KHDC1: variants seen among roughly 807,000 people sequenced by gnomAD.
KHDC1 encodes the protein KH domain containing 1, also known as KH homology domain-containing protein 1.
In KHDC1, 21 loss-of-function variants were observed where a neutral mutation model predicts 24.7. The ratio of observed to expected loss-of-function variants is 0.85; its 90% CI spans 0.60 to 1.23. The LOEUF (loss-of-function observed/expected upper bound fraction) is 1.23. Ranked by LOEUF, KHDC1 falls within the 50% of genes most tolerant of loss-of-function variation. KHDC1 has a pLI of 0.00. For missense variants in KHDC1, 274 were observed against 298.5 expected, an observed-to-expected ratio of 0.92 and a Z score of 0.61; for synonymous variants, 98 against 111.7, an observed-to-expected ratio of 0.88 and a Z score of 0.77.
chr6:73,285,649 C>CTTTTTTTTT (rs539979246), intron 2 of KHDC1, among the ~76,000 whole-genome samples: 49 of 129,982 alleles, frequency 3.8e-4, no homozygotes, highest in East Asian at 1.0e-3. Flanking sequence ...TCTTTTTTTT[C>CTTTTTTTTT]TTTTTTTTTT....
In KHDC1 at chr6:73,252,068, G is replaced by A. The variant is rs533009697; in HGVS notation, c.207-9538C>T. On this transcript the variant is annotated intron_variant, in intron 2 of 4. Coordinates refer to ENST00000370384, the Ensembl canonical transcript of KHDC1. ...TTTTTTTTTTTTTTTTCTGAAACAC[G>A]GTCTCACCCTGTCACCCAAGCTGGA... Among the ~76,000 whole-genome samples the A allele has an allele frequency of 3.5e-5, 5 of 143,710 alleles. No individual in the cohort carries two copies. In the South Asian group the frequency reaches 6.6e-4, roughly 19 times the overall value. The allele number at this position is 143,710 out of a possible 152,430, so 94.3% of individuals were successfully genotyped here.
chr6:73,276,830 C>G (rs1413426299), intron 2 of KHDC1, among the ~76,000 whole-genome samples: 1 of 152,154 alleles, frequency 6.6e-6, no homozygotes, highest in African/African-American at 2.4e-5. Context: ...AGACAAGTCA[C>G]TTTTAGAGAC....
chr6:73,293,786 C>A (rs544740056), intron 1 of KHDC1, among the ~76,000 whole-genome samples: 1 of 152,126 alleles, frequency 6.6e-6, no homozygotes, highest in African/African-American at 2.4e-5. Flanking sequence ...ACGGGTGGAT[C>A]ACCTGAGGTC....
chr6:73,264,595 A>C (rs1767049128), intron 2 of KHDC1, among the ~76,000 whole-genome samples: 1 of 152,196 alleles, frequency 6.6e-6, no homozygotes, highest in Non-Finnish European at 1.5e-5. Context: ...GCAACCAGCA[A>C]CTGATGGACA....
At chr6:73,285,985 C>T (rs1257849610) in intron 2 of KHDC1, among the ~76,000 whole-genome samples, 1 of 152,098 alleles carries the variant, frequency 6.6e-6, no homozygotes, top group Admixed American at 6.6e-5. Flanking sequence ...AAGCACATTT[C>T]CTATAAATAA....
At chr6:73,271,674 A>G (rs775860900) in intron 2 of KHDC1, among the ~76,000 whole-genome samples, 10 of 149,056 alleles carry the variant, frequency 6.7e-5, no homozygotes, top group Non-Finnish European at 1.3e-4. Flanking sequence ...TGGGTGGATC[A>G]CCTGAGGTCA....
At chr6:73,286,067 G>A (rs1251932576) in intron 2 of KHDC1, among the ~76,000 whole-genome samples, 1 of 152,174 alleles carries the variant, frequency 6.6e-6, no homozygotes, top group Non-Finnish European at 1.5e-5. Flanking sequence ...CAGCAAAACT[G>A]TCAACTCCGC....
chr6:73,242,024 C>A, intron 4 of KHDC1, 31 bp downstream of exon 3: 1 of 1,588,148 alleles, frequency 6.3e-7, no homozygotes, highest in South Asian at 1.2e-5. Context: ...ACCACCAAGT[C>A]TAAAACCACA....
intron 1 of KHDC1, among the ~76,000 whole-genome samples, chr6:73,302,601 C>A (rs1767896358): frequency 6.6e-6 from 1 of 152,184 alleles, no homozygotes. Context: ...TTTGTTTACA[C>A]AAGCATCATG....
At chr6:73,261,776 G>T (rs1766984542) in intron 2 of KHDC1, among the ~76,000 whole-genome samples, 1 of 152,108 alleles carries the variant, frequency 6.6e-6, no homozygotes, top group Non-Finnish European at 1.5e-5. Context: ...GCTGGGCATG[G>T]TGGCAGGCAC....
intron 1 of KHDC1, chr6:73,299,606 G>GA (rs1767828023): frequency 2.8e-3 from 1 of 352 alleles, no homozygotes; most frequent in African/African-American, 0.062. Context: ...GTGGCCGGCG[G>GA]GGCGCCTAAA....
intron 2 of KHDC1, among the ~76,000 whole-genome samples, chr6:73,251,820 CA>C (rs1216906510): frequency 7.0e-6 from 1 of 143,842 alleles, no homozygotes; most frequent in Admixed American, 7.1e-5. Context: ...TTTAATGAGA[CA>C]GGGTGTCGTT....
intron 2 of KHDC1, among the ~76,000 whole-genome samples, chr6:73,261,382 G>C (rs1464384535): frequency 6.6e-6 from 1 of 152,188 alleles, no homozygotes; most frequent in East Asian, 1.9e-4. Flanking sequence ...GGCGGGGATT[G>C]CAGTGAGCTA....
At chr6:73,297,140 A>T (rs1479365246) in intron 1 of KHDC1, among the ~76,000 whole-genome samples, 1 of 152,130 alleles carries the variant, frequency 6.6e-6, no homozygotes, top group Non-Finnish European at 1.5e-5. Flanking sequence ...ACCTCAGGTG[A>T]TAGGCCCACC....
intron 2 of KHDC1, among the ~76,000 whole-genome samples, chr6:73,254,115 G>A (rs1381125255): frequency 1.3e-5 from 2 of 152,012 alleles, no homozygotes; most frequent in South Asian, 2.1e-4. Context: ...TATAGGCATG[G>A]ACTAAGGAGG....
chr6:73,258,639 T>A (rs966027348), intron 2 of KHDC1, among the ~76,000 whole-genome samples: 1 of 152,172 alleles, frequency 6.6e-6, no homozygotes, highest in African/African-American at 2.4e-5. Context: ...GATTTCTTAC[T>A]GAGAATCCAA....
At chr6:73,242,619 G>A in intron 2 of KHDC1, 89 bp from the exon 2 acceptor site, 1 of 1,548,348 alleles carries the variant, frequency 6.5e-7, no homozygotes, top group South Asian at 1.2e-5. Flanking sequence ...CTTAACATAG[G>A]AACCCAACAA....
intron 2 of KHDC1, among the ~76,000 whole-genome samples, chr6:73,280,471 C>T (rs967575648): frequency 6.6e-6 from 1 of 150,988 alleles, no homozygotes; most frequent in Non-Finnish European, 1.5e-5. Context: ...CCAAACATAT[C>T]CTTTTATGTG....
At chr6:73,255,817 G>C (rs1366877463) in intron 2 of KHDC1, among the ~76,000 whole-genome samples, 1 of 150,340 alleles carries the variant, frequency 6.7e-6, no homozygotes, top group Non-Finnish European at 1.5e-5. Flanking sequence ...CTGGAGAATC[G>C]CTTGAACCTG....
Sources: allele counts gnomAD v4.1 joint callset (sites outside exome capture counted in the v4.1 genomes callset), GRCh38; gene constraint gnomAD v4.1.1; transcripts MANE v1.5; gene names NCBI Gene and HGNC (gene_info 2026-07-23, HGNC 2026-07-21).